MXRA8: variants seen among roughly 807,000 people sequenced by gnomAD.
The protein encoded by MXRA8 is matrix remodeling associated 8.
Under a neutral mutation model 51.4 loss-of-function variants are expected in MXRA8, and 44 were observed. That is an observed-to-expected ratio of 0.86 (90% CI 0.67 to 1.10). The LOEUF (loss-of-function observed/expected upper bound fraction) is 1.10, where lower values mean the gene tolerates loss of function less well. Among genes scored for constraint, MXRA8 ranks in the 50% least tolerant of loss-of-function variants. The probability of loss-of-function intolerance (pLI) is 0.00; values close to 1 mark genes in which losing one functional copy is unlikely to be tolerated. For synonymous variants in MXRA8, 369 were observed against 293.5 expected (o/e 1.26, Z -2.63); for missense variants, 765 against 638.9 (o/e 1.20, Z -2.13).
upstream of MXRA8, chr1:1,359,462 G>C (rs945416573): frequency 1.0e-6 from 1 of 985,446 alleles, no homozygotes; most frequent in Non-Finnish European, 1.2e-6. Flanking sequence ...AAAACAATCT[G>C]AACAACCACA....
intron 1 of MXRA8, 105 bp from the exon 2 acceptor site, chr1:1,356,809 T>C (rs1644143585): frequency 3.0e-6 from 3 of 1,000,958 alleles, no homozygotes; most frequent in African/African-American, 3.4e-5. Flanking sequence ...AAGTGGATGC[T>C]GTGACACCCA....
Position 1,355,588 on chromosome 1 carries a change from G to C in MXRA8, c.238C>G (p.Pro80Ala). 1.4e-6 allele frequency: 2 copies of C among 1,478,382 alleles called. No homozygotes were observed. The highest frequency in any genetic ancestry group is 2.6e-5 in the South Asian group (2 of 78,178). 91.6% of individuals were successfully genotyped at this position (1,478,382 alleles called of 1,614,324 possible). ...QRVLHWDLRG[P>A]GGGPARRLLD... is the part of the protein sequence containing the mutation. ...AGGCGCCGCGCGGGGCCACCCCCGG[G>C]GCCGCGCAGGTCCCAGTGGAGCACG... is the stretch of plus-strand genomic sequence containing the variant. Residue 80 changes from proline to alanine, a missense_variant, in exon 3 of 10, where the codon CCC (proline) becomes GCC (alanine). Physicochemically the swap from Pro to Ala is conservative, Grantham distance 27. Transcript: ENST00000309212.
upstream of MXRA8, among the ~76,000 whole-genome samples, chr1:1,360,333 T>C (rs1286789405): frequency 6.6e-6 from 1 of 152,184 alleles, no homozygotes; most frequent in Non-Finnish European, 1.5e-5. Context: ...AAAAGGCTGA[T>C]GAGGCCATCA....
rs1644030797 is a variant in MXRA8 at position 1,352,865 on chromosome 1, T to C, written c.*739A>G. ...GCCCTAGACTCCAGCCCAGGCAGAG[T>C]CCAAGGGAGGGGTGTCAGGGTCAGA... On this transcript the variant is annotated 3_prime_UTR_variant, in exon 10 of 10. Transcript: ENST00000309212. 1 of 270,476 alleles carries C rather than the reference T, an allele frequency of 3.7e-6. No individual in the cohort carries two copies. The highest frequency in any genetic ancestry group is 3.6e-5 in the South Asian group (1 of 27,536). The allele number at this position is 270,476 out of a possible 1,614,324, so 16.8% of individuals were successfully genotyped here.
At chr1:1,361,367 C>A, upstream of MXRA8, 1 of 700,550 alleles carries the variant, frequency 1.4e-6, no homozygotes, top group Non-Finnish European at 2.6e-6. Context: ...AAGCCGGGTG[C>A]CAGCCATGGC....
chr1:1,362,033 C>T (rs779476060), upstream of MXRA8, among the ~76,000 whole-genome samples: 2 of 152,320 alleles, frequency 1.3e-5, no homozygotes, highest in East Asian at 1.9e-4. Flanking sequence ...CCGTTATAGC[C>T]GCTTGTGGCG....
Position 1,354,784 on chromosome 1 carries a change from C to G in MXRA8, c.847G>C (p.Glu283Gln). The G allele has an allele frequency of 6.2e-7, 1 of 1,612,038 alleles. No individual in the cohort carries two copies. The highest frequency in any genetic ancestry group is 8.5e-7 in the Non-Finnish European group (1 of 1,179,610). ...ACCGTCAGGTGGAAGACGCGGCGTTCGTGCAGGCCACAGTAATGGTGGTGC... is the reference window on the plus strand; with the variant it reads ...ACCGTCAGGTGGAAGACGCGGCGTTGGTGCAGGCCACAGTAATGGTGGTGC... ...HLHHHYCGLH[E>Q]RRVFHLTVAE... Residue 283 changes from glutamate to glutamine, a missense_variant, in exon 5 of 10, where the codon GAA becomes CAA. By Grantham distance (29) the Glu-to-Gln change is conservative. Coordinates refer to ENST00000309212, the MANE Select transcript of MXRA8 (RefSeq NM_032348.4).
rs1569801111 is a variant in MXRA8, at chr1:1,356,797, C to G, written c.50-93G>C. ...GCCCCCAGAGTCCCTCCTGTAGTCC[C>G]AAAGTGGATGCTGTGACACCCACTT... On this transcript the variant is annotated intron_variant, in intron 1 of 9. Transcript: ENST00000309212. 67 of 1,157,738 alleles carry G rather than the reference C, an allele frequency of 5.8e-5. No homozygotes were observed. The East Asian group carries it at 2.0e-3, about 35-fold the overall frequency. 71.7% of individuals were successfully genotyped at this position (1,157,738 alleles called of 1,614,324 possible). A position where few individuals can be genotyped will look rare whatever the true frequency, so the allele number is the denominator to read the frequency against.
At position 1,353,717 on chromosome 1, in the gene MXRA8, C is replaced by A. The variant is rs993042007; in HGVS notation, c.1304-88G>T. 2.7e-6 allele frequency: 4 copies of A among 1,480,860 alleles called. No individual in the cohort carries two copies. The African/African-American group carries it at 5.6e-5, about 21-fold the overall frequency. The allele number at this position is 1,480,860 out of a possible 1,614,324, so 91.7% of individuals were successfully genotyped here. ...CAGGGCAGACCCCCCCGCAGGACTCCCCAGGGATTTCTGAGCCTGAGGTGG... is the reference window on the plus strand; with the variant it reads ...CAGGGCAGACCCCCCCGCAGGACTCACCAGGGATTTCTGAGCCTGAGGTGG... On this transcript the variant is annotated intron_variant, in intron 9 of 9. Transcript: ENST00000309212.
At chr1:1,362,625 C>CA (rs1411205562), upstream of MXRA8, among the ~76,000 whole-genome samples, 2 of 151,330 alleles carry the variant, frequency 1.3e-5, no homozygotes, top group Admixed American at 1.3e-4. Context: ...ACTAAAAATA[C>CA]AAAAAATTAG....
intron 2 of MXRA8, 31 bp downstream of exon 2, chr1:1,356,650 G>C: frequency 5.2e-6 from 7 of 1,340,650 alleles, no homozygotes; most frequent in Non-Finnish European, 6.8e-6. Flanking sequence ...AGGGGGAGTG[G>C]GGGTGGGCAG....
chr1:1,356,339 T>G (rs919914067), intron 2 of MXRA8, among the ~76,000 whole-genome samples: 53 of 31,636 alleles, frequency 1.7e-3, no homozygotes, highest in East Asian at 5.3e-3. Context: ...AGGGCCCTGG[T>G]GGGGAAGGGG....
At chr1:1,362,448 G>A (rs2100829994), upstream of MXRA8, among the ~76,000 whole-genome samples, 1 of 152,056 alleles carries the variant, frequency 6.6e-6, no homozygotes, top group East Asian at 1.9e-4. Flanking sequence ...CATGACCTTA[G>A]GCCCCAGGGC....
chr1:1,359,627 G>A, upstream of MXRA8: 2 of 967,940 alleles, frequency 2.1e-6, no homozygotes, highest in Non-Finnish European at 1.2e-6. Context: ...GCAGATCAGA[G>A]TGGTGGTCTC....
upstream of MXRA8, among the ~76,000 whole-genome samples, chr1:1,360,917 CGAA>C (rs1188069431): frequency 7.2e-5 from 11 of 152,030 alleles, no homozygotes; most frequent in African/African-American, 1.7e-4. Flanking sequence ...CGCATGCACA[CGAA>C]GACACATGGA....
upstream of MXRA8, among the ~76,000 whole-genome samples, chr1:1,360,497 C>T (rs879804582): frequency 4.3e-4 from 2 of 4,616 alleles, no homozygotes; most frequent in Non-Finnish European, 1.5e-3. Context: ...AGCCTCTGCT[C>T]GCTGGGGGGT....
chr1:1,361,065 AAC>A (rs761890064), upstream of MXRA8, among the ~76,000 whole-genome samples: 16 of 152,164 alleles, frequency 1.1e-4, no homozygotes, highest in East Asian at 7.7e-4. Context: ...GATACATGGA[AAC>A]ACGAACACAG....
upstream of MXRA8, chr1:1,359,566 C>T (rs1026001202): frequency 5.1e-6 from 5 of 985,160 alleles, no homozygotes; most frequent in African/African-American, 8.7e-5. Flanking sequence ...GGGGGGCTCA[C>T]CCCTGAACCC....
In MXRA8 at chr1:1,354,554, C is replaced by T. The variant is rs775977981; in HGVS notation, c.950-45G>A. 30 of 1,591,726 alleles carry T rather than the reference C, an allele frequency of 1.9e-5. No homozygotes were observed. The South Asian group carries it at 3.4e-4, about 18-fold the overall frequency. On this transcript the variant is annotated intron_variant, in intron 5 of 9. Transcript: ENST00000309212. The stretch of plus-strand genomic sequence containing the variant: ...GGGGCGGCGTCAGGTACCAGCAAGA[C>T]CTGCGCCCCGACCCGGGCCACGGCC...
Sources: gnomAD v4.1 joint callset for allele counts (sites outside exome capture counted in the v4.1 genomes callset) on GRCh38, gnomAD v4.1.1 for gene constraint, MANE v1.5 for transcripts, NCBI Gene and HGNC (gene_info 2026-07-23, HGNC 2026-07-21) for gene names.